Variants in SOX5 observed in about 807,000 individuals in gnomAD.
The protein encoded by SOX5 is transcription factor SOX-5.
SOX5 carries 9 observed loss-of-function variants against 92.0 expected under a neutral mutation model. That is an observed-to-expected ratio of 0.10 (90% confidence interval 0.06 to 0.17). The LOEUF (loss-of-function observed/expected upper bound fraction) is 0.17, where lower values mean the gene tolerates loss of function less well. Among genes scored for constraint, SOX5 ranks in the 10% least tolerant of loss-of-function variants. SOX5 has a pLI of 1.00. For missense variants in SOX5, 642 were observed against 944.5 expected (o/e 0.68, Z 4.20); for synonymous variants, 344 against 336.3 (o/e 1.02, Z -0.25).
At chr12:23,976,817 G>T (rs1379633153) in intron 4 of SOX5, among the ~76,000 whole-genome samples, 1 of 147,724 alleles carries the variant, frequency 6.8e-6, no homozygotes, top group Admixed American at 6.8e-5. Context: ...TGTTGTTGTT[G>T]TTTTTTTTTT....
In SOX5 at chr12:23,590,797, C is replaced by T. The variant is rs186993147; in HGVS notation, c.1164+13590G>A. On this transcript the variant is annotated intron_variant, in intron 9 of 14. Transcript: ENST00000451604. Reference sequence around the variant, plus strand: ...TTCTAGAAGGCTCATCTGTGAATAACAGTCATTACATGATTTTTAAAAATT... The same window carrying T: ...TTCTAGAAGGCTCATCTGTGAATAATAGTCATTACATGATTTTTAAAAATT... Among the ~76,000 whole-genome samples the T allele has an allele frequency of 2.1e-3, 318 of 152,074 alleles. 2 individuals are homozygous for T. Among genetic ancestry groups the T allele is most frequent in the Non-Finnish European group, 2.7e-3 (181 of 67,880 alleles).
intron 8 of SOX5, among the ~76,000 whole-genome samples, chr12:23,627,143 A>G (rs889658843): frequency 6.6e-6 from 1 of 152,146 alleles, no homozygotes; most frequent in Non-Finnish European, 1.5e-5. Flanking sequence ...TGCCCTTCCA[A>G]GAGGAATGTT....
intron 3 of SOX5, among the ~76,000 whole-genome samples, chr12:23,815,846 TA>T (rs919631672): frequency 6.6e-6 from 1 of 152,190 alleles, no homozygotes; most frequent in Non-Finnish European, 1.5e-5. Context: ...TTCTTTAGGA[TA>T]GGGGTAGGCA....
chr12:23,757,737 T>C (rs2094438533), intron 3 of SOX5, among the ~76,000 whole-genome samples: 1 of 151,834 alleles, frequency 6.6e-6, no homozygotes, highest in African/African-American at 2.4e-5. Flanking sequence ...CCCCTGAACC[T>C]CCAGGCACCA....
At chr12:24,273,341 G>A (rs1201014799) in intron 3 of SOX5, among the ~76,000 whole-genome samples, 5 of 152,172 alleles carry the variant, frequency 3.3e-5, no homozygotes, top group Admixed American at 2.0e-4. Context: ...TTTATAGGAC[G>A]ATTTTTGATT....
chr12:24,355,460 T>G (rs1436911220), intron 2 of SOX5, among the ~76,000 whole-genome samples: 1 of 151,988 alleles, frequency 6.6e-6, no homozygotes. Flanking sequence ...AAACAGATGC[T>G]GGGCCCCCTC....
intron 9 of SOX5, among the ~76,000 whole-genome samples, chr12:23,582,835 T>C (rs1040568855): frequency 6.6e-6 from 1 of 152,122 alleles, no homozygotes; most frequent in Non-Finnish European, 1.5e-5. Context: ...TGTTCTTCAA[T>C]GTGGTAATTA....
chr12:24,525,296 C>T (rs772649603), intron 1 of SOX5, among the ~76,000 whole-genome samples: 1 of 152,084 alleles, frequency 6.6e-6, no homozygotes, highest in Non-Finnish European at 1.5e-5. Flanking sequence ...CAGACAAATA[C>T]TGCATGAGTT....
At chr12:24,375,290 C>T (rs975312795) in intron 1 of SOX5, among the ~76,000 whole-genome samples, 9 of 151,992 alleles carry the variant, frequency 5.9e-5, no homozygotes, top group Non-Finnish European at 8.8e-5. Flanking sequence ...TGTCTCTTTA[C>T]ATTTTGCATC....
chr12:23,940,370 T>C (rs1219921482), intron 1 of SOX5, among the ~76,000 whole-genome samples: 1 of 151,156 alleles, frequency 6.6e-6, no homozygotes, highest in African/African-American at 2.4e-5. Flanking sequence ...TGATACCTAA[T>C]TGACAGGTAA....
chr12:23,986,465 G>C (rs773621190), intron 4 of SOX5, among the ~76,000 whole-genome samples: 18 of 152,144 alleles, frequency 1.2e-4, no homozygotes, highest in Admixed American at 4.6e-4. Flanking sequence ...TCAATATCAA[G>C]TTAAGGTGAT....
chr12:24,258,050 G>T (rs1941507486), intron 3 of SOX5, among the ~76,000 whole-genome samples: 1 of 152,084 alleles, frequency 6.6e-6, no homozygotes. Context: ...GCGGGCACCT[G>T]TAGTCCCAGC....
At position 23,739,232 on chromosome 12, in the gene SOX5, GA is replaced by G. The variant is rs561518591; in HGVS notation, c.741+1634del. On this transcript the variant is annotated intron_variant, in intron 5 of 14. Transcript: ENST00000451604. The stretch of plus-strand genomic sequence containing the variant: ...TGGAAGAGGAAAAGGACTTAGCCAT[GA>G]AAAAGAGGGCCATACTTATCTGTAA... Among the ~76,000 whole-genome samples, 601 of 152,230 alleles carry G rather than the reference GA, an allele frequency of 3.9e-3. 4 individuals carry two copies. The highest frequency in any genetic ancestry group is 0.014 in the African/African-American group (589 of 41,550).
chr12:23,803,760 T>A (rs2095707631), intron 3 of SOX5, among the ~76,000 whole-genome samples: 2 of 152,182 alleles, frequency 1.3e-5, no homozygotes, highest in African/African-American at 4.8e-5. Context: ...AGCACAGACA[T>A]ATCATTTCTA....
chr12:23,530,464 A>G lies in SOX5; in HGVS notation c.*3755T>C, dbSNP rs767238165. 1 of 143,416 alleles carries G rather than the reference A, an allele frequency of 7.0e-6. No homozygotes were observed. The highest frequency in any genetic ancestry group is 1.5e-5 in the Non-Finnish European group (1 of 65,632). The allele number at this position is 143,416 out of a possible 1,614,324, so 8.9% of individuals were successfully genotyped here. A position where few individuals can be genotyped will look rare whatever the true frequency, so the allele number is the denominator to read the frequency against. On this transcript the variant is annotated 3_prime_UTR_variant, in exon 15 of 15. Transcript: ENST00000451604. ...GCTTCACCACAGAAAACTTTTTTAT[A>G]TTTGTTCTTTATAAGAGGATTTGGT...
intron 4 of SOX5, among the ~76,000 whole-genome samples, chr12:23,990,672 A>G (rs1950480888): frequency 6.6e-6 from 1 of 152,052 alleles, no homozygotes; most frequent in African/African-American, 2.4e-5. Context: ...ACATGTTTCT[A>G]TTATTCCATG....
At chr12:24,142,004 G>A (rs914563801) in intron 4 of SOX5, among the ~76,000 whole-genome samples, 3 of 151,860 alleles carry the variant, frequency 2.0e-5, no homozygotes, top group African/African-American at 7.3e-5. Flanking sequence ...AAAATATCCA[G>A]GATCAAATTA....
At chr12:24,067,296 C>T (rs917493094) in intron 4 of SOX5, among the ~76,000 whole-genome samples, 1 of 152,140 alleles carries the variant, frequency 6.6e-6, no homozygotes, top group Admixed American at 6.5e-5. Context: ...TCTAAACCTT[C>T]CAAAAGCAGT....
chr12:24,142,305 C>T (rs530844939), intron 4 of SOX5, among the ~76,000 whole-genome samples: 1 of 152,218 alleles, frequency 6.6e-6, no homozygotes, highest in East Asian at 1.9e-4. Context: ...ATAAGTGTAA[C>T]AATGAACACC....
Sources: allele counts gnomAD v4.1 joint callset (sites outside exome capture counted in the v4.1 genomes callset), GRCh38; gene constraint gnomAD v4.1.1; transcripts MANE v1.5; gene names NCBI Gene and HGNC (gene_info 2026-07-23, HGNC 2026-07-21).